DTNB: variants seen among roughly 807,000 people sequenced by gnomAD.
The protein encoded by DTNB is dystrobrevin beta, also known as DTN-B.
In DTNB, 63 loss-of-function variants were observed where a neutral mutation model predicts 90.7. The observed-to-expected ratio is 0.69, with a 90% CI of 0.57 to 0.86. The LOEUF (loss-of-function observed/expected upper bound fraction) is 0.86, where lower values mean the gene tolerates loss of function less well. Among genes scored for constraint, DTNB ranks in the 40% least tolerant of loss-of-function variants. The probability of loss-of-function intolerance (pLI) is 0.00; values close to 1 mark genes in which losing one functional copy is unlikely to be tolerated. For missense variants in DTNB, 744 were observed against 807.1 expected (o/e 0.92, Z 0.95); for synonymous variants, 277 against 286.7 (o/e 0.97, Z 0.34).
chr2:25,603,238 T>G (rs777255071), intron 5 of DTNB, among the ~76,000 whole-genome samples: 1 of 152,210 alleles, frequency 6.6e-6, no homozygotes, highest in Non-Finnish European at 1.5e-5. Flanking sequence ...TCAAATTAAT[T>G]GATAATTAAG....
intron 3 of DTNB, among the ~76,000 whole-genome samples, chr2:25,632,994 T>A (rs543178422): frequency 1.3e-5 from 2 of 152,234 alleles, no homozygotes; most frequent in Admixed American, 6.5e-5. Context: ...TGGAAATGAG[T>A]AACTGAAACT....
At chr2:25,562,761 TCCC>T (rs1352697882) in intron 8 of DTNB, among the ~76,000 whole-genome samples, 3 of 152,100 alleles carry the variant, frequency 2.0e-5, no homozygotes, top group African/African-American at 7.2e-5. Context: ...CCCCATTTTT[TCCC>T]CCAATTTACT....
chr2:25,394,799 C>A (rs535958429), intron 16 of DTNB, among the ~76,000 whole-genome samples: 2 of 152,052 alleles, frequency 1.3e-5, no homozygotes, highest in Non-Finnish European at 2.9e-5. Flanking sequence ...TAAACTAGTA[C>A]AACTACTATG....
intron 16 of DTNB, among the ~76,000 whole-genome samples, chr2:25,416,996 TAA>T (rs1298000903): frequency 6.6e-6 from 1 of 152,176 alleles, no homozygotes; most frequent in Non-Finnish European, 1.5e-5. Flanking sequence ...TTGAATTACG[TAA>T]AGTCATTCAG....
intron 15 of DTNB, among the ~76,000 whole-genome samples, chr2:25,426,015 C>G (rs904632469): frequency 6.6e-6 from 1 of 152,188 alleles, no homozygotes; most frequent in Admixed American, 6.5e-5. Context: ...TTACAGTGAG[C>G]TATGATCACG....
intron 16 of DTNB, among the ~76,000 whole-genome samples, chr2:25,414,051 T>C (rs918287011): frequency 3.9e-5 from 6 of 152,270 alleles, no homozygotes; most frequent in Admixed American, 2.6e-4. Flanking sequence ...CATTTTTTCA[T>C]GTATCTGTTG....
At chr2:25,382,151 CTGCTGGCTCCTCCTCA>C (rs2037984243) in intron 19 of DTNB, among the ~76,000 whole-genome samples, 1 of 152,252 alleles carries the variant, frequency 6.6e-6, no homozygotes, top group Non-Finnish European at 1.5e-5. Flanking sequence ...GGGAGGGCTG[CTGCTGGCTCCTCCTCA>C]TGCTTCCTGC....
rs199907267 is a variant in DTNB, at chr2:25,555,523, A to G, written c.876+21315T>C. On this transcript the variant is annotated intron_variant, in intron 8 of 20. Coordinates refer to ENST00000406818, the MANE Select transcript of DTNB (RefSeq NM_021907.5). ...ATTTAAATAGCATAACTTGATAAAC[A>G]GGGCTTTTTTCCTTTGCATACTATT... 2.0e-4 allele frequency among the ~76,000 whole-genome samples: 30 copies of G among 152,304 alleles called. No homozygotes were observed. The East Asian group carries it at 5.0e-3, about 25-fold the overall frequency.
At chr2:25,652,571 A>G in intron 2 of DTNB, 23 bp downstream of exon 2, 2 of 1,591,800 alleles carry the variant, frequency 1.3e-6, no homozygotes, top group Middle Eastern at 1.7e-4. Flanking sequence ...TCCCGCACAT[A>G]TGAACAAGGA....
intron 8 of DTNB, among the ~76,000 whole-genome samples, chr2:25,556,287 T>G (rs1161579175): frequency 5.9e-5 from 9 of 151,510 alleles, no homozygotes; most frequent in African/African-American, 2.2e-4. Flanking sequence ...AGAATTCCTA[T>G]ATGAGGAACT....
chr2:25,661,774 T>A (rs1048826127), intron 1 of DTNB, among the ~76,000 whole-genome samples: 1 of 152,238 alleles, frequency 6.6e-6, no homozygotes, highest in African/African-American at 2.4e-5. Context: ...ACCATTTATA[T>A]TGGCAAAAAT....
In DTNB at chr2:25,540,642, T is replaced by C. The variant is rs1457738782; in HGVS notation, c.877-9045A>G. On this transcript the variant is annotated intron_variant, in intron 8 of 20. Transcript: ENST00000406818. ...AAAGACTGAGAAATCGGATGGTTGC[T>C]GTGTCTGTGTAGAAAGAAGTAGACA... is the stretch of plus-strand genomic sequence containing the variant. Among the ~76,000 whole-genome samples, 6 of 152,262 alleles carry C rather than the reference T, an allele frequency of 3.9e-5. No individual in the cohort carries two copies. In the South Asian group the frequency reaches 8.3e-4, roughly 21 times the overall value.
intron 9 of DTNB, among the ~76,000 whole-genome samples, chr2:25,513,320 C>T (rs924311038): frequency 6.6e-6 from 1 of 152,126 alleles, no homozygotes; most frequent in African/African-American, 2.4e-5. Flanking sequence ...GCAAATTTCT[C>T]CAATACTATG....
At chr2:25,548,585 G>C (rs954906950) in intron 8 of DTNB, among the ~76,000 whole-genome samples, 4 of 152,072 alleles carry the variant, frequency 2.6e-5, no homozygotes, top group Non-Finnish European at 5.9e-5. Flanking sequence ...AAGTTTGCCT[G>C]GTGTGTTGAA....
At chr2:25,665,450 C>G (rs949481031) in intron 1 of DTNB, among the ~76,000 whole-genome samples, 4 of 152,052 alleles carry the variant, frequency 2.6e-5, no homozygotes, top group African/African-American at 9.7e-5. Flanking sequence ...CACAATGAAA[C>G]CCAGTCTCTA....
chr2:25,643,219 C>T (rs1316635120), intron 2 of DTNB, among the ~76,000 whole-genome samples: 11 of 152,112 alleles, frequency 7.2e-5, no homozygotes, highest in Admixed American at 6.5e-4. Context: ...CCTCTCATCT[C>T]GGGGCCTTCA....
chr2:25,578,095 C>T (rs971284674), intron 7 of DTNB, among the ~76,000 whole-genome samples: 1 of 152,096 alleles, frequency 6.6e-6, no homozygotes, highest in Non-Finnish European at 1.5e-5. Flanking sequence ...AGACCACAAT[C>T]TTACTTCAAT....
chr2:25,616,133 G>A (rs550513516), intron 4 of DTNB, among the ~76,000 whole-genome samples: 2 of 152,258 alleles, frequency 1.3e-5, no homozygotes, highest in Admixed American at 1.3e-4. Flanking sequence ...TCTATTCCTT[G>A]CTGCAGAAAA....
At chr2:25,411,778 G>A (rs540450626) in intron 16 of DTNB, among the ~76,000 whole-genome samples, 5 of 152,146 alleles carry the variant, frequency 3.3e-5, no homozygotes, top group Non-Finnish European at 7.4e-5. Context: ...ATTTGTGTAC[G>A]ATTTCTCTTT....
Sources: allele counts gnomAD v4.1 joint callset (sites outside exome capture counted in the v4.1 genomes callset), GRCh38; gene constraint gnomAD v4.1.1; transcripts MANE v1.5; gene names NCBI Gene and HGNC (gene_info 2026-07-23, HGNC 2026-07-21).